Variants in PPM1G observed in about 807,000 individuals in gnomAD.
PPM1G encodes the protein protein phosphatase, Mg2+/Mn2+ dependent 1G.
A neutral mutation model predicts 59.4 loss-of-function variants in PPM1G; 12 were observed. The ratio of observed to expected loss-of-function variants is 0.20; its 90% CI spans 0.13 to 0.33. The LOEUF (loss-of-function observed/expected upper bound fraction) is 0.33, where lower values mean the gene tolerates loss of function less well. Among genes scored for constraint, PPM1G ranks in the 10% least tolerant of loss-of-function variants. PPM1G has a pLI of 1.00. For missense variants in PPM1G, 392 were observed against 681.3 expected (o/e 0.58, Z 4.73); for synonymous variants, 245 against 251.9 (o/e 0.97, Z 0.26).
intron 1 of PPM1G, among the ~76,000 whole-genome samples, chr2:27,392,595 C>T (rs1371358810): frequency 8.7e-6 from 1 of 114,734 alleles, no homozygotes; most frequent in African/African-American, 3.8e-5. Flanking sequence ...CGCCAGCCCA[C>T]AGTACATTTT....
chr2:27,394,186 C>T (rs890234499), intron 1 of PPM1G, among the ~76,000 whole-genome samples: 7 of 152,082 alleles, frequency 4.6e-5, no homozygotes, highest in African/African-American at 9.7e-5. Context: ...TGTGAGCCAC[C>T]GCACCCACCA....
chr2:27,393,594 A>AT (rs1480177367), intron 1 of PPM1G, among the ~76,000 whole-genome samples: 1 of 151,690 alleles, frequency 6.6e-6, no homozygotes, highest in African/African-American at 2.4e-5. Flanking sequence ...TAATTATCAT[A>AT]TTTTTTTCTG....
rs777274430 is a variant in PPM1G, at chr2:27,382,653, C to A, written c.1202-48G>T. On this transcript the variant is annotated intron_variant, in intron 7 of 9. Coordinates refer to ENST00000344034, the MANE Select transcript of PPM1G (RefSeq NM_177983.3). The surrounding 1 kb of genome is among the most constrained non-coding windows in gnomAD (Gnocchi z 4.2). ...GAGCAGTTTGGATACTTCCCACAGA[C>A]TTGTGTTTGTGGCAGGTCAAACCTT... 2.2e-5 allele frequency: 35 copies of A among 1,609,128 alleles called. No homozygotes were observed. The highest frequency in any genetic ancestry group is 2.9e-5 in the Non-Finnish European group (34 of 1,176,634).
At chr2:27,390,034 C>CTT (rs34597229) in intron 1 of PPM1G, among the ~76,000 whole-genome samples, 66,237 of 148,728 alleles carry the variant, frequency 0.45, 15,839 homozygotes, top group African/African-American at 0.64. Context: ...ATCTTGTTTT[C>CTT]TTTTTTTTTT....
intron 1 of PPM1G, chr2:27,393,045 CA>C: frequency 1.5e-6 from 2 of 1,355,488 alleles, no homozygotes; most frequent in Non-Finnish European, 2.1e-6. Context: ...CAATTTTTTC[CA>C]AATGTAATCC....
At chr2:27,393,417 G>C in intron 1 of PPM1G, 1 of 1,198,274 alleles carries the variant, frequency 8.3e-7, no homozygotes, top group Non-Finnish European at 1.2e-6. Context: ...GCTACGCGGC[G>C]CTGGAGCTGC....
At chr2:27,400,903 T>C (rs1401749702) in intron 1 of PPM1G, among the ~76,000 whole-genome samples, 1 of 152,220 alleles carries the variant, frequency 6.6e-6, no homozygotes, top group East Asian at 1.9e-4. Flanking sequence ...ACCATCCTGC[T>C]GGTATCCATC....
intron 1 of PPM1G, among the ~76,000 whole-genome samples, chr2:27,395,252 AAAG>A (rs1286919006): frequency 4.8e-5 from 7 of 145,730 alleles, no homozygotes; most frequent in South Asian, 2.2e-4. Context: ...AAAAAAAAAG[AAAG>A]AAAGAAAGAA....
intron 1 of PPM1G, among the ~76,000 whole-genome samples, chr2:27,390,440 T>C (rs930495729): frequency 2.6e-5 from 4 of 152,110 alleles, no homozygotes; most frequent in African/African-American, 9.7e-5. Context: ...GCAATCCAAA[T>C]AGCCGTTTTG....
chr2:27,382,044 G>T lies in PPM1G; in HGVS notation c.1434+82C>A. The T allele has an allele frequency of 7.3e-7, 1 of 1,375,702 alleles. No homozygotes were observed. Among genetic ancestry groups the T allele is most frequent in the South Asian group, 1.2e-5 (1 of 84,862 alleles). 85.2% of individuals were successfully genotyped at this position (1,375,702 alleles called of 1,614,324 possible). A position where few individuals can be genotyped will look rare whatever the true frequency, so the allele number is the denominator to read the frequency against. On this transcript the variant is annotated intron_variant, in intron 9 of 9. Transcript: ENST00000344034. The surrounding 1 kb of genome is among the most constrained non-coding windows in gnomAD (Gnocchi z 4.2). ...TCAGCAATTACTGATAATGCTCCCAGATTGCCGACTTAGCTCAGATTAAAA... is the reference window on the plus strand; with the variant it reads ...TCAGCAATTACTGATAATGCTCCCATATTGCCGACTTAGCTCAGATTAAAA...
intron 1 of PPM1G, among the ~76,000 whole-genome samples, chr2:27,387,501 T>C (rs1683797453): frequency 6.6e-6 from 1 of 152,230 alleles, no homozygotes; most frequent in South Asian, 2.1e-4. Context: ...TAAAGGATTT[T>C]TTCTTCTTTT....
At chr2:27,394,129 T>C (rs1396577256) in intron 1 of PPM1G, among the ~76,000 whole-genome samples, 1 of 151,648 alleles carries the variant, frequency 6.6e-6, no homozygotes, top group African/African-American at 2.4e-5. Context: ...ACTCCTGACC[T>C]CAGGTGATCC....
rs751024396 is a variant in PPM1G at position 27,383,000 on chromosome 2, A to AT, written c.1201+365dup. 0.015 allele frequency among the ~76,000 whole-genome samples: 1,909 copies of AT among 131,176 alleles called. 29 individuals are homozygous for AT. The highest frequency in any genetic ancestry group is 0.044 in the African/African-American group (1,581 of 35,766). The allele number at this position is 131,176 out of a possible 152,430, so 86.1% of individuals were successfully genotyped here. Reference sequence around the variant, plus strand: ...ACTACCATGCCCAGCTAATTTTTGTATTTTTTTTTTTTTTTAGTAGAGATG... The same window carrying AT: ...ACTACCATGCCCAGCTAATTTTTGTATTTTTTTTTTTTTTTTAGTAGAGATG... On this transcript the variant is annotated intron_variant, in intron 7 of 9. Coordinates refer to ENST00000344034, the MANE Select transcript of PPM1G (RefSeq NM_177983.3). The surrounding 1 kb of genome is among the most constrained non-coding windows in gnomAD (Gnocchi z 4.2).
intron 1 of PPM1G, among the ~76,000 whole-genome samples, chr2:27,399,877 T>C (rs963208216): frequency 1.3e-5 from 2 of 151,238 alleles, no homozygotes; most frequent in Admixed American, 6.6e-5. Flanking sequence ...TTCCACTCTT[T>C]GGTATATAAC....
chr2:27,405,567 T>C (rs1663336086), intron 1 of PPM1G, among the ~76,000 whole-genome samples: 1 of 151,632 alleles, frequency 6.6e-6, no homozygotes, highest in South Asian at 2.1e-4. Context: ...TGGCTAATTT[T>C]TGTATTTTCA....
chr2:27,382,373 G>A lies in PPM1G; in HGVS notation c.1331+103C>T. The A allele has an allele frequency of 6.4e-7, 1 of 1,568,608 alleles. No individual in the cohort carries two copies. Among genetic ancestry groups the A allele is most frequent in the Non-Finnish European group, 8.7e-7 (1 of 1,150,918 alleles). ...AGTCTGGGTGCTCTTCACCCACCAAGAGGCCTAGGTCTGCCTAGGCTCTAA... is the reference window on the plus strand; with the variant it reads ...AGTCTGGGTGCTCTTCACCCACCAAAAGGCCTAGGTCTGCCTAGGCTCTAA... On this transcript the variant is annotated intron_variant, in intron 8 of 9. Transcript: ENST00000344034. The surrounding 1 kb of genome is among the most constrained non-coding windows in gnomAD (Gnocchi z 4.2).
At chr2:27,398,871 G>GTAGT (rs1437240508) in intron 1 of PPM1G, among the ~76,000 whole-genome samples, 2 of 151,896 alleles carry the variant, frequency 1.3e-5, no homozygotes, top group Admixed American at 1.3e-4. Context: ...GAATCAGGGT[G>GTAGT]TAGTGGCTCA....
Position 27,409,557 on chromosome 2 carries a change from G to C in PPM1G, c.-135C>G, listed in dbSNP as rs1663467353. On this transcript the variant is annotated 5_prime_UTR_variant, in exon 1 of 10. Transcript: ENST00000344034. The stretch of plus-strand genomic sequence containing the variant: ...CGCAAGGTGCCGGTGAAAGGCGCGA[G>C]GCCGGCCAGGAGGCGGTAACGGGAC... The C allele has an allele frequency of 7.7e-6, 9 of 1,175,568 alleles. No individual in the cohort carries two copies. Among genetic ancestry groups the C allele is most frequent in the Non-Finnish European group, 9.9e-6 (9 of 911,082 alleles). 72.8% of individuals were successfully genotyped at this position (1,175,568 alleles called of 1,614,324 possible).
At chr2:27,387,391 C>G (rs1045404181) in intron 1 of PPM1G, among the ~76,000 whole-genome samples, 5 of 152,164 alleles carry the variant, frequency 3.3e-5, no homozygotes, top group African/African-American at 1.2e-4. Context: ...TCTATAATAA[C>G]CTCAACCTAG....
Sources: allele counts gnomAD v4.1 joint callset (sites outside exome capture counted in the v4.1 genomes callset), GRCh38; gene constraint gnomAD v4.1.1; non-coding constraint Gnocchi (gnomAD v3.1); transcripts MANE v1.5; gene names NCBI Gene and HGNC (gene_info 2026-07-23, HGNC 2026-07-21).